The following ZNF568 variants were observed in gnomAD, a reference collection of about 807,000 sequenced individuals.
ZNF568 encodes zinc finger protein 568.
In ZNF568, 11 loss-of-function variants were observed where a neutral mutation model predicts 18.1. That is an observed-to-expected ratio of 0.61 (90% confidence interval 0.38 to 1.00). ZNF568 has a LOEUF of 1.00. ZNF568 is among the 50% of genes least tolerant of loss of function. The pLI is 0.01. For missense variants in ZNF568, 639 were observed against 768.2 expected (o/e 0.83, Z 1.99); for synonymous variants, 213 against 246.6 (o/e 0.86, Z 1.28).
chr19:36,997,324 C>T (rs267605447), downstream of ZNF568: 10 of 1,599,974 alleles, frequency 6.3e-6, no homozygotes, highest in Admixed American at 5.2e-5. Flanking sequence ...GAAGTCCTTT[C>T]GTCGTGGCTC....
intron 6 of ZNF568, among the ~76,000 whole-genome samples, chr19:36,945,819 C>T (rs77059318): frequency 0.017 from 2,591 of 151,416 alleles, 34 homozygotes; most frequent in African/African-American, 0.037. Context: ...ACTGGCTGGG[C>T]GTGGTGTCTC....
chr19:36,938,346 A>G lies in ZNF568; in HGVS notation c.358+1104A>G, dbSNP rs1210209121. On this transcript the variant is annotated intron_variant, in intron 6 of 6. Coordinates refer to ENST00000333987, the MANE Select transcript of ZNF568 (RefSeq NM_198539.4). ...AAAACACAAGCAAACCAATTGAGAA[A>G]GTACAACAAATAGTAACAGAACTCA... Among the ~76,000 whole-genome samples, 3 of 152,232 alleles carry G rather than the reference A, an allele frequency of 2.0e-5. No homozygotes were observed. In the East Asian group the frequency reaches 5.8e-4, roughly 29 times the overall value.
intron 6 of ZNF568, among the ~76,000 whole-genome samples, chr19:36,949,280 C>G (rs969427212): frequency 6.6e-6 from 1 of 152,300 alleles, no homozygotes; most frequent in South Asian, 2.1e-4. Context: ...CTTTAAAAAT[C>G]AGTCAAGGCT....
chr19:36,989,125 A>T (rs1326661402), intron 2 of ZNF568, among the ~76,000 whole-genome samples: 1 of 152,104 alleles, frequency 6.6e-6, no homozygotes, highest in Non-Finnish European at 1.5e-5. Flanking sequence ...TTCCCCAGGG[A>T]CTTGTTCCCC....
intron 4 of ZNF568, among the ~76,000 whole-genome samples, chr19:36,995,126 G>A (rs565813891): frequency 6.6e-6 from 1 of 151,968 alleles, no homozygotes; most frequent in East Asian, 1.9e-4. Context: ...GGCTGGGCAT[G>A]GTGACTTACA....
rs372925245 is a variant in ZNF568, at chr19:36,951,541, A to G, written c.*453A>G. The G allele has an allele frequency of 6.6e-6, 1 of 152,600 alleles. No individual in the cohort carries two copies. The highest frequency in any genetic ancestry group is 1.5e-5 in the Non-Finnish European group (1 of 68,396). The allele number at this position is 152,600 out of a possible 1,614,324, so 9.5% of individuals were successfully genotyped here. ...TCATGAATATATGTGAACTCAGTGT[A>G]TGTTAGACCTGACATCATGAATTAG... On this transcript the variant is annotated 3_prime_UTR_variant, in exon 7 of 7. Transcript: ENST00000333987.
At chr19:36,988,768 C>G (rs968394392) in intron 2 of ZNF568, among the ~76,000 whole-genome samples, 2 of 152,088 alleles carry the variant, frequency 1.3e-5, no homozygotes, top group African/African-American at 4.8e-5. Context: ...TTTGATGTTT[C>G]AGTACATATC....
chr19:36,992,117 C>T (rs2074430082), intron 4 of ZNF568, among the ~76,000 whole-genome samples: 1 of 151,572 alleles, frequency 6.6e-6, no homozygotes, highest in African/African-American at 2.4e-5. Context: ...GTGGTGCGTG[C>T]CTGTAATCCC....
intron 2 of ZNF568, among the ~76,000 whole-genome samples, chr19:36,920,262 T>C (rs943503013): frequency 4.6e-5 from 7 of 152,214 alleles, no homozygotes; most frequent in Non-Finnish European, 1.0e-4. Context: ...AAAGAAAAAA[T>C]ATTTTTGTAC....
chr19:36,927,890 TATATATA>T (rs2073600542), intron 4 of ZNF568, among the ~76,000 whole-genome samples: 1 of 28,554 alleles, frequency 3.5e-5, no homozygotes, highest in East Asian at 6.0e-4. Context: ...ATATATATTA[TATATATA>T]TATATATTTT....
Position 36,949,678 on chromosome 19 carries a change from C to T in ZNF568, c.525C>T (p.Phe175=). 6.2e-7 allele frequency: 1 copy of T among 1,613,770 alleles called. No homozygotes were observed. Among genetic ancestry groups the T allele is most frequent in the Non-Finnish European group, 8.5e-7 (1 of 1,179,836 alleles). The change falls in exon 7 of 7, where the codon TTC becomes TTT. Residue 175 remains phenylalanine (F), a synonymous_variant. Transcript: ENST00000333987. ...ACATTGTTACTTCAAGACAAAGCTT[C>T]TATGACTGTGACTCACTTGATAAGG... ...SSDIVTSRQS[F]YDCDSLDKGL...
chr19:36,937,340 G>A (rs2073808568), intron 6 of ZNF568, 98 bp downstream of exon 6: 4 of 950,712 alleles, frequency 4.2e-6, no homozygotes, highest in Non-Finnish European at 6.3e-6. Context: ...TTTCTTAAAG[G>A]CCTTATTCTT....
intron 4 of ZNF568, among the ~76,000 whole-genome samples, chr19:36,933,848 G>C (rs1176911567): frequency 7.4e-6 from 1 of 134,594 alleles, no homozygotes; most frequent in Non-Finnish European, 1.6e-5. Context: ...TTTGTTGTTT[G>C]TTAAAATTCA....
chr19:36,939,532 C>T (rs1285849087), intron 6 of ZNF568, among the ~76,000 whole-genome samples: 12 of 93,062 alleles, frequency 1.3e-4, no homozygotes, highest in Non-Finnish European at 1.8e-4. Context: ...TATTTTCTTT[C>T]TTTTTTTTTT....
Position 36,996,597 on chromosome 19 carries a change from A to G in ZNF568, c.510A>G (p.Gln170=), listed in dbSNP as rs773499410. The G allele has an allele frequency of 8.5e-6, 13 of 1,535,726 alleles. No homozygotes were observed. The South Asian group carries it at 1.6e-4, about 18-fold the overall frequency. ...TTAGGTACCAGTCATGTCCTATTCA[A>G]CATGAAATAATTCATAATAAGGAAA... The change falls in exon 5 of 5, where the codon CAA becomes CAG. Residue 170 remains glutamine (Q), a synonymous_variant. Transcript: ENST00000433993.
chr19:36,930,352 G>GGTGTGT (rs2073665176), intron 4 of ZNF568, among the ~76,000 whole-genome samples: 1 of 151,918 alleles, frequency 6.6e-6, no homozygotes, highest in Non-Finnish European at 1.5e-5. Context: ...TGGGACTACA[G>GGTGTGT]ACGCTCGCCA....
chr19:36,977,794 C>A (rs1667342), intron 7 of ZNF568, among the ~76,000 whole-genome samples: 83,043 of 151,972 alleles, frequency 0.55, 23,368 homozygotes, highest in African/African-American at 0.66. Flanking sequence ...GGAGGCTGTG[C>A]ATTGTGATGA....
chr19:36,924,222 A>AT (rs940007006), intron 3 of ZNF568, among the ~76,000 whole-genome samples: 13 of 151,270 alleles, frequency 8.6e-5, no homozygotes, highest in African/African-American at 2.2e-4. Context: ...TTTCTAAATT[A>AT]TTTTTTTTGA....
At chr19:36,992,492 A>C (rs1284539835) in intron 4 of ZNF568, among the ~76,000 whole-genome samples, 1 of 151,434 alleles carries the variant, frequency 6.6e-6, no homozygotes, top group Non-Finnish European at 1.5e-5. Flanking sequence ...ACAAAGCGAG[A>C]CTCCATCTTG....
Sources: gnomAD v4.1 joint callset for allele counts (sites outside exome capture counted in the v4.1 genomes callset) on GRCh38, gnomAD v4.1.1 for gene constraint, MANE v1.5 for transcripts, NCBI Gene and HGNC (gene_info 2026-07-23, HGNC 2026-07-21) for gene names.